The following MUC4 variants were observed in gnomAD, a reference collection of about 807,000 sequenced individuals.
MUC4 encodes mucin 4, cell surface associated, also known as mucin-4.
A neutral mutation model predicts 257.9 loss-of-function variants in MUC4; 202 were observed. That is an observed-to-expected ratio of 0.78 (90% CI 0.70 to 0.88). The LOEUF (loss-of-function observed/expected upper bound fraction) is 0.88, where lower values mean the gene tolerates loss of function less well. Among genes scored for constraint, MUC4 ranks in the 40% least tolerant of loss-of-function variants. MUC4 has a pLI of 0.00. For missense variants in MUC4, 5,976 were observed against 6,513.7 expected (o/e 0.92, Z 2.84); for synonymous variants, 2,351 against 2,757.1 (o/e 0.85, Z 4.62).
At chr3:195,759,378 T>C in intron 16 of MUC4, 117 bp from the exon 17 acceptor site, 2 of 1,347,180 alleles carry the variant, frequency 1.5e-6, no homozygotes, top group Non-Finnish European at 2.0e-6. Flanking sequence ...GACCCACCTC[T>C]GGAAGAAGGA....
Position 195,765,083 on chromosome 3 carries a change from G to C in MUC4, c.13838C>G (p.Thr4613Ser), listed in dbSNP as rs888286438. 1.9e-6 allele frequency: 3 copies of C among 1,613,782 alleles called. No homozygotes were observed. The East Asian group carries it at 6.7e-5, about 36-fold the overall frequency. ...GLGSRQLCSF[T>S]SWRGGVCCSY... ...GCAGCACACGCCTCCTCGCCAAGAG[G>C]TGAAGCTGCACAGCTGCCTACTGCC... The change falls in exon 10 of 25, where the codon ACC becomes AGC. Residue 4613 changes from threonine to serine, a missense_variant. Thr to Ser is a moderately conservative substitution (Grantham distance 58). Transcript: ENST00000463781.
Position 195,765,405 on chromosome 3 carries a change from G to C in MUC4, c.13663C>G (p.Pro4555Ala). The part of the protein sequence containing the change: ...QFYRLHREER[P>A]NYRLECLQWL... ...TGCAGGCACTCGAGACGGTAGTTGG[G>C]CCTTTCTTCCCGGTGTAGCCTGTAG... Residue 4555 changes from proline to alanine, a missense_variant, in exon 9 of 25, where the codon CCC becomes GCC. Physicochemically the swap from Pro to Ala is conservative, Grantham distance 27 (BLOSUM62 -1). Coordinates refer to ENST00000463781, the MANE Select transcript of MUC4 (RefSeq NM_018406.7). The C allele has an allele frequency of 6.2e-7, 1 of 1,613,612 alleles. No individual in the cohort carries two copies. The highest frequency in any genetic ancestry group is 8.5e-7 in the Non-Finnish European group (1 of 1,180,022).
intron 1 of MUC4, among the ~76,000 whole-genome samples, chr3:195,800,709 AAAAG>A (rs1205574749): frequency 1.3e-5 from 2 of 152,146 alleles, no homozygotes; most frequent in African/African-American, 2.4e-5. Context: ...ACAAAGAAGA[AAAAG>A]AAAGAAATCC....
In MUC4 at chr3:195,763,515, G is replaced by T; in HGVS notation, c.14171C>A (p.Thr4724Asn). The T allele has an allele frequency of 6.4e-7, 1 of 1,564,870 alleles. No individual in the cohort carries two copies. Among genetic ancestry groups the T allele is most frequent in the South Asian group, 1.2e-5 (1 of 84,466 alleles). ...GNSSFLLQGR[T>N]AQTGSAQATN... is the part of the protein sequence containing the mutation. ...GGCCTGGGCTGAGCCAGTCTGGGCGGTGCGGCCCTGAAGCAGGAAGGAGGA... is the reference window on the plus strand; with the variant it reads ...GGCCTGGGCTGAGCCAGTCTGGGCGTTGCGGCCCTGAAGCAGGAAGGAGGA... The change falls in exon 12 of 25, where the codon ACC (threonine) becomes AAC (asparagine). Residue 4724 changes from threonine to asparagine, a missense_variant. Thr to Asn is a moderately conservative substitution (Grantham distance 65). This residue lies in a region of MUC4 where 996 missense variants were observed against 1,137.3 expected (regional missense o/e 0.88). Transcript: ENST00000463781.
chr3:195,792,428 G>A (rs1011603639), intron 1 of MUC4, among the ~76,000 whole-genome samples: 35 of 152,280 alleles, frequency 2.3e-4, no homozygotes, highest in African/African-American at 7.5e-4. Context: ...AAACTACAAA[G>A]GGATATCATC....
intron 5 of MUC4, 63 bp downstream of exon 5, chr3:195,771,589 C>T: frequency 6.4e-7 from 1 of 1,569,982 alleles, no homozygotes. Context: ...GCCTTCCACA[C>T]AGCTCTTTGT....
intron 7 of MUC4, among the ~76,000 whole-genome samples, chr3:195,767,474 T>TCACCATCACCAC (rs1720861097): frequency 2.0e-5 from 1 of 49,678 alleles, no homozygotes; most frequent in Admixed American, 1.8e-4. Flanking sequence ...ACCACCACCA[T>TCACCATCACCAC]CACCATCACC....
Position 195,784,708 on chromosome 3 carries a change from A to C in MUC4, c.6872T>G (p.Val2291Gly), listed in dbSNP as rs1730531817. The C allele has an allele frequency of 7.1e-7, 1 of 1,406,934 alleles. No homozygotes were observed. The highest frequency in any genetic ancestry group is 2.2e-5 in the Admixed American group (1 of 46,228). 87.2% of individuals were successfully genotyped at this position (1,406,934 alleles called of 1,614,324 possible). ...TGTGGATGCTGAGGAAGGGCTAGTG[A>C]CAGGAAGAGGAGTGGTGTCACCTGT... ...VSTGDTTPLP[V>G]TSPSSASTGH... Residue 2291 changes from valine (V) to glycine (G), a missense_variant, in exon 2 of 25, where the codon GTC becomes GGC. Around this residue, in one of 44 missense-constraint regions of MUC4, gnomAD observed 62 missense variants for 74.0 expected, o/e 0.84. Transcript: ENST00000463781.
rs1040858072 is a variant in MUC4, at chr3:195,755,202, CTT to C, written c.15169-832_15169-831del. The stretch of plus-strand genomic sequence containing the variant: ...CACTAATTTTTGTATTTTTCTTCTG[CTT>C]TTTTTTTTAATGAGACAGTCTCGTT... On this transcript the variant is annotated intron_variant, in intron 18 of 24. Coordinates refer to ENST00000463781, the MANE Select transcript of MUC4 (RefSeq NM_018406.7). This position sits in a 1 kb window ranked among gnomAD's most constrained non-coding sequence, Gnocchi z 5.0. Among the ~76,000 whole-genome samples the C allele has an allele frequency of 6.9e-6, 1 of 145,700 alleles. No individual in the cohort carries two copies. The highest frequency in any genetic ancestry group is 1.5e-5 in the Non-Finnish European group (1 of 65,806).
At chr3:195,773,081 C>G (rs1723455319) in intron 4 of MUC4, among the ~76,000 whole-genome samples, 1 of 112,510 alleles carries the variant, frequency 8.9e-6, no homozygotes, top group Non-Finnish European at 1.8e-5. Flanking sequence ...CCCTCTCTAT[C>G]GTTCGGGGTG....
intron 3 of MUC4, among the ~76,000 whole-genome samples, chr3:195,774,562 C>A (rs747970008): frequency 2.0e-5 from 3 of 152,202 alleles, no homozygotes; most frequent in African/African-American, 4.8e-5. Context: ...AGAATACCAG[C>A]AAACGATTCT....
At chr3:195,769,249 C>T (rs192349267) in intron 6 of MUC4, 97 bp from the exon 7 acceptor site, 94 of 1,501,002 alleles carry the variant, frequency 6.3e-5, no homozygotes, top group African/African-American at 8.3e-5. Context: ...TGCTCTGACA[C>T]GCACAGCACC....
intron 20 of MUC4, 143 bp from the exon 21 acceptor site, chr3:195,752,589 TA>T: frequency 1.4e-5 from 9 of 663,116 alleles, no homozygotes; most frequent in South Asian, 3.5e-5. Context: ...GCCCTCACCC[TA>T]CATTCCACAG....
At position 195,782,538 on chromosome 3, in the gene MUC4, A is replaced by G. The variant is rs765059453; in HGVS notation, c.9042T>C (p.Thr3014=). 3.3e-5 allele frequency: 49 copies of G among 1,475,102 alleles called. 10 individuals are homozygous for G. In the African/African-American group the frequency reaches 6.9e-4, roughly 21 times the overall value. 91.4% of individuals were successfully genotyped at this position (1,475,102 alleles called of 1,614,324 possible). A position where few individuals can be genotyped will look rare whatever the true frequency, so the allele number is the denominator to read the frequency against. The change falls in exon 2 of 25, where the codon ACT becomes ACC. Residue 3014 remains threonine (T), a synonymous_variant. Transcript: ENST00000463781. The stretch of plus-strand genomic sequence containing the variant: ...TGGCGTGACCTGTGGATATTGAGGA[A>G]GTGTCGGTGACAGGAAGAGAGGTGG... ...GHATSLPVTD[T]SSISTGHATP... is the part of the protein sequence containing the mutation.
At chr3:195,771,551 G>A in intron 5 of MUC4, 101 bp downstream of exon 5, 2 of 1,338,290 alleles carry the variant, frequency 1.5e-6, no homozygotes, top group Non-Finnish European at 2.0e-6. Context: ...CCTGCTGCAG[G>A]GGCTGTCACA....
At chr3:195,795,538 T>G (rs1236349452) in intron 1 of MUC4, among the ~76,000 whole-genome samples, 4 of 151,390 alleles carry the variant, frequency 2.6e-5, no homozygotes, top group Non-Finnish European at 5.9e-5. Context: ...CACTCAGGAG[T>G]GAAGAAGTTA....
chr3:195,770,329 G>T lies in MUC4; in HGVS notation c.13285C>A (p.Gln4429Lys). Reference sequence around the variant, plus strand: ...ATCTTTCTAATCCAAGACTCGGCCTGCTGGACTAGCAGGCTGTGTTCACCA... The same window carrying T: ...ATCTTTCTAATCCAAGACTCGGCCTTCTGGACTAGCAGGCTGTGTTCACCA... ...FYGEHSLLVQ[Q>K]AESWIRKMTN... Residue 4429 changes from glutamine to lysine, a missense_variant, in exon 6 of 25, where the codon CAG becomes AAG. Physicochemically the swap from Gln to Lys is moderately conservative, Grantham distance 53 (BLOSUM62 1). Transcript: ENST00000463781. The T allele has an allele frequency of 6.2e-7, 1 of 1,614,026 alleles. No homozygotes were observed. Among genetic ancestry groups the T allele is most frequent in the Non-Finnish European group, 8.5e-7 (1 of 1,179,984 alleles).
Position 195,811,685 on chromosome 3 carries a change from T to A in MUC4, c.82+51A>T, listed in dbSNP as rs753902465. On this transcript the variant is annotated intron_variant, in intron 1 of 24. Coordinates refer to ENST00000463781, the MANE Select transcript of MUC4 (RefSeq NM_018406.7). Reference sequence around the variant, plus strand: ...ACCTCTTTCTCTGACAGCTCCCACCTCCCCCAAGTGCTCCCCGCAGCCAGC... The same window carrying A: ...ACCTCTTTCTCTGACAGCTCCCACCACCCCCAAGTGCTCCCCGCAGCCAGC... 1.1e-5 allele frequency: 17 copies of A among 1,555,570 alleles called. No homozygotes were observed. The Admixed American group carries it at 2.9e-4, about 26-fold the overall frequency.
At position 195,752,793 on chromosome 3, in the gene MUC4, G is replaced by A. The variant is rs192229473; in HGVS notation, c.15508+258C>T. 7.5e-3 allele frequency among the ~76,000 whole-genome samples: 1,135 copies of A among 152,300 alleles called. 4 individuals carry two copies. Among genetic ancestry groups the A allele is most frequent in the Non-Finnish European group, 0.011 (717 of 68,030 alleles). ...CCACTATGCTCCGGGCCTCCCCAGC[G>A]CTCATCTCACTGAGCCAGCTGTGAG... On this transcript the variant is annotated intron_variant, in intron 20 of 24. Coordinates refer to ENST00000463781, the MANE Select transcript of MUC4 (RefSeq NM_018406.7).
Sources: gnomAD v4.1 joint callset for allele counts (sites outside exome capture counted in the v4.1 genomes callset) on GRCh38, gnomAD v4.1.1 for gene constraint, gnomAD v4.1.1 regional missense constraint, Gnocchi (gnomAD v3.1) non-coding constraint, MANE v1.5 for transcripts, NCBI Gene and HGNC (gene_info 2026-07-23, HGNC 2026-07-21) for gene names.